MAGI2: variants seen among roughly 807,000 people sequenced by gnomAD.
MAGI2 encodes the protein membrane associated guanylate kinase, WW and PDZ domain containing 2, also known as membrane-associated guanylate kinase, WW and PDZ domain-containing protein 2.
MAGI2 carries 35 observed loss-of-function variants against 133.3 expected under a neutral mutation model. The observed-to-expected ratio is 0.26, with a 90% CI of 0.20 to 0.35. The LOEUF (loss-of-function observed/expected upper bound fraction) is 0.35, where lower values mean the gene tolerates loss of function less well. Among genes scored for constraint, MAGI2 ranks in the 10% least tolerant of loss-of-function variants. MAGI2 has a pLI of 1.00. For missense variants in MAGI2, 1,636 were observed against 1,863.4 expected, an observed-to-expected ratio of 0.88 and a Z score of 2.25; for synonymous variants, 729 against 710.6, an observed-to-expected ratio of 1.03 and a Z score of -0.41.
chr7:78,237,886 G>A (rs73150236), intron 10 of MAGI2, among the ~76,000 whole-genome samples: 44,172 of 151,764 alleles, frequency 0.29, 7,431 homozygotes, highest in Non-Finnish European at 0.37. Context: ...TTGACTTCTT[G>A]CCAATTAGTC....
intron 1 of MAGI2, among the ~76,000 whole-genome samples, chr7:79,429,144 T>A (rs1847600375): frequency 6.6e-6 from 1 of 152,134 alleles, no homozygotes; most frequent in Non-Finnish European, 1.5e-5. Flanking sequence ...TTCTCCACCT[T>A]TTATTAAAAG....
chr7:79,191,748 A>G (rs1372968080), intron 1 of MAGI2, among the ~76,000 whole-genome samples: 1 of 151,820 alleles, frequency 6.6e-6, no homozygotes, highest in East Asian at 1.9e-4. Flanking sequence ...TTCCATGAAT[A>G]TAATTACATT....
At chr7:79,010,088 T>G (rs781706037) in intron 1 of MAGI2, among the ~76,000 whole-genome samples, 1 of 152,072 alleles carries the variant, frequency 6.6e-6, no homozygotes, top group South Asian at 2.1e-4. Context: ...CACATATATT[T>G]TTGTGTATGT....
intron 16 of MAGI2, among the ~76,000 whole-genome samples, chr7:78,147,853 A>T (rs1041659750): frequency 6.6e-6 from 1 of 151,874 alleles, no homozygotes; most frequent in African/African-American, 2.4e-5. Context: ...CCACCCCCAA[A>T]CCCCAAAATG....
chr7:78,201,354 A>T (rs997981055), intron 10 of MAGI2, among the ~76,000 whole-genome samples, 161 bp from the exon 11 acceptor site: 2 of 152,208 alleles, frequency 1.3e-5, no homozygotes, highest in African/African-American at 4.8e-5. Flanking sequence ...GGAGCTCAAA[A>T]TCAAATAATT....
intron 1 of MAGI2, among the ~76,000 whole-genome samples, chr7:79,383,622 T>C (rs1423501964): frequency 1.3e-5 from 2 of 151,572 alleles, no homozygotes; most frequent in Admixed American, 6.6e-5. Flanking sequence ...ATTGTATTTA[T>C]TAATATTAGA....
chr7:78,021,001 T>C (rs1584855642), intron 21 of MAGI2, among the ~76,000 whole-genome samples: 4 of 152,142 alleles, frequency 2.6e-5, no homozygotes, highest in African/African-American at 9.7e-5. Flanking sequence ...TTTAAGACAA[T>C]TGACAACATC....
chr7:78,236,781 G>A (rs1790585728), intron 10 of MAGI2, among the ~76,000 whole-genome samples: 2 of 152,130 alleles, frequency 1.3e-5, no homozygotes, highest in African/African-American at 2.4e-5. Flanking sequence ...TTCTCATGCT[G>A]CTAATAAAGA....
intron 1 of MAGI2, among the ~76,000 whole-genome samples, chr7:79,429,493 C>T (rs1172062219): frequency 1.3e-5 from 2 of 151,948 alleles, no homozygotes; most frequent in Middle Eastern, 3.4e-3. Context: ...TTAGTAGAGA[C>T]GGGGTTTCAC....
chr7:78,515,272 T>A (rs936013077), intron 4 of MAGI2, among the ~76,000 whole-genome samples: 9 of 152,226 alleles, frequency 5.9e-5, no homozygotes, highest in African/African-American at 2.2e-4. Context: ...TAACCATCTA[T>A]CTATCTTTGG....
chr7:78,119,790 T>C (rs1453040432), intron 20 of MAGI2, among the ~76,000 whole-genome samples: 4 of 152,034 alleles, frequency 2.6e-5, no homozygotes, highest in Non-Finnish European at 1.5e-5. Flanking sequence ...AAAACCGCTC[T>C]TAAAAAAATG....
chr7:78,981,891 G>A (rs893278675), intron 2 of MAGI2, among the ~76,000 whole-genome samples: 1 of 151,864 alleles, frequency 6.6e-6, no homozygotes, highest in Non-Finnish European at 1.5e-5. Flanking sequence ...CCTGCCTAGA[G>A]CCTCAGACCA....
intron 6 of MAGI2, among the ~76,000 whole-genome samples, chr7:78,462,878 A>C (rs564343588): frequency 1.3e-5 from 2 of 152,290 alleles, no homozygotes; most frequent in Admixed American, 6.5e-5. Context: ...CTGATGGCAG[A>C]ATTCACAACT....
intron 16 of MAGI2, among the ~76,000 whole-genome samples, chr7:78,136,420 T>C (rs1822144516): frequency 6.6e-6 from 1 of 152,166 alleles, no homozygotes. Flanking sequence ...ATGCTCGGCC[T>C]ATTTTCTTTT....
At chr7:78,666,633 C>T (rs953544067) in intron 2 of MAGI2, among the ~76,000 whole-genome samples, 1 of 152,142 alleles carries the variant, frequency 6.6e-6, no homozygotes, top group African/African-American at 2.4e-5. Flanking sequence ...AGAAGCTTGA[C>T]TTGATGATAC....
chr7:79,327,934 C>A (rs1839817259), intron 1 of MAGI2, among the ~76,000 whole-genome samples: 1 of 152,042 alleles, frequency 6.6e-6, no homozygotes, highest in East Asian at 1.9e-4. Flanking sequence ...TCACTTATAT[C>A]TTTAAGTTAC....
intron 10 of MAGI2, chr7:78,251,664 T>G (rs1312309246): frequency 6.6e-6 from 1 of 152,056 alleles, no homozygotes; most frequent in African/African-American, 2.4e-5. Context: ...TGAACAAAAG[T>G]ACAAGATCTG....
chr7:78,211,830 C>T (rs955961669), intron 10 of MAGI2, among the ~76,000 whole-genome samples: 3 of 152,124 alleles, frequency 2.0e-5, no homozygotes, highest in Admixed American at 6.5e-5. Flanking sequence ...CTTTTAAATG[C>T]TTTTGAGCTG....
intron 2 of MAGI2, among the ~76,000 whole-genome samples, chr7:78,669,246 C>T (rs1814028601): frequency 6.6e-6 from 1 of 151,978 alleles, no homozygotes; most frequent in Non-Finnish European, 1.5e-5. Flanking sequence ...GATATCACCA[C>T]CGATCCCACA....
Sources: allele counts gnomAD v4.1 joint callset (sites outside exome capture counted in the v4.1 genomes callset), GRCh38; gene constraint gnomAD v4.1.1; transcripts MANE v1.5; gene names NCBI Gene and HGNC (gene_info 2026-07-23, HGNC 2026-07-21).